Variants in NPM1 observed in about 807,000 individuals in gnomAD.
NPM1 encodes the protein nucleophosmin.
NPM1 carries 1 observed loss-of-function variant against 44.1 expected under a neutral mutation model. That is an observed-to-expected ratio of 0.02 (90% CI 0.01 to 0.11). The LOEUF is 0.11. Ranked by LOEUF, NPM1 falls within the 10% of genes least tolerant of loss-of-function variation. The pLI is 1.00. For missense variants in NPM1, 197 were observed against 347.8 expected (o/e 0.57, Z 3.45); for synonymous variants, 126 against 111.8 (o/e 1.13, Z -0.80).
chr5:171,392,857 TTTAG>T (rs1770653328), intron 5 of NPM1, 41 bp downstream of exon 5: 1 of 1,613,070 alleles, frequency 6.2e-7, no homozygotes, highest in Middle Eastern at 1.6e-4. Context: ...TATTATAGCT[TTTAG>T]TTTGGTGATA....
chr5:171,395,292 G>GT (rs761712296), intron 6 of NPM1, among the ~76,000 whole-genome samples: 33 of 144,190 alleles, frequency 2.3e-4, no homozygotes, highest in Non-Finnish European at 3.7e-4. Context: ...TCAGTACCTG[G>GT]TTTTTTTTGT....
chr5:171,401,029 A>C, intron 8 of NPM1, 104 bp downstream of exon 8: 1 of 777,948 alleles, frequency 1.3e-6, no homozygotes. Flanking sequence ...CCTTTATAGA[A>C]CCCCTGTAAT....
At chr5:171,407,653 T>C (rs1771642271) in intron 9 of NPM1, 47 bp from the exon 10 acceptor site, 1 of 1,037,098 alleles carries the variant, frequency 9.6e-7, no homozygotes, top group African/African-American at 1.6e-5. Flanking sequence ...GGTATCTCTC[T>C]CGGTGTATTT....
intron 2 of NPM1, 80 bp from the exon 3 acceptor site, chr5:171,391,225 G>T: frequency 6.7e-7 from 1 of 1,497,310 alleles, no homozygotes. Context: ...AGTGACGCAT[G>T]GCTGCATATA....
At chr5:171,407,439 T>G (rs1284686670) in intron 9 of NPM1, 6 of 454,540 alleles carry the variant, frequency 1.3e-5, no homozygotes, top group Non-Finnish European at 1.9e-5. Flanking sequence ...GAATCTCAAG[T>G]GTAGCTTATA....
In NPM1 at chr5:171,398,221, G is replaced by A. The variant is rs548537384; in HGVS notation, c.525-1932G>A. On this transcript the variant is annotated intron_variant, in intron 6 of 10. Coordinates refer to ENST00000296930, the MANE Select transcript of NPM1 (RefSeq NM_002520.7). ...TGAACAAGTTTTTAATTTTTATGAC[G>A]TCCGATTTCTTTTGTTGCTTGTGCC... Among the ~76,000 whole-genome samples the A allele has an allele frequency of 1.2e-4, 19 of 152,152 alleles. No homozygotes were observed. The South Asian group carries it at 2.9e-3, about 23-fold the overall frequency.
intron 8 of NPM1, among the ~76,000 whole-genome samples, chr5:171,403,399 T>A (rs1356929311): frequency 2.4e-4 from 26 of 107,948 alleles, no homozygotes; most frequent in Non-Finnish European, 4.8e-4. Context: ...GTCTCCCATG[T>A]CTACTTCTTT....
intron 6 of NPM1, among the ~76,000 whole-genome samples, chr5:171,393,875 G>C (rs1355825552): frequency 6.6e-6 from 1 of 152,100 alleles, no homozygotes; most frequent in African/African-American, 2.4e-5. Context: ...GTTCACACCC[G>C]TAATCCTAAC....
rs577627178 is a variant in NPM1 at position 171,388,085 on chromosome 5, G to A, written c.58+79G>A. 1.3e-5 allele frequency: 15 copies of A among 1,149,168 alleles called. No homozygotes were observed. In the African/African-American group the frequency reaches 1.8e-4, roughly 14 times the overall value. The allele number at this position is 1,149,168 out of a possible 1,614,324, so 71.2% of individuals were successfully genotyped here. ...GGTGGGGGTGAGGGGCGGGAATCCGGCTGCAACCGGGTCTGGTGGAGACCG... is the reference window on the plus strand; with the variant it reads ...GGTGGGGGTGAGGGGCGGGAATCCGACTGCAACCGGGTCTGGTGGAGACCG... On this transcript the variant is annotated intron_variant, in intron 1 of 10. Coordinates refer to ENST00000296930, the MANE Select transcript of NPM1 (RefSeq NM_002520.7).
Position 171,404,260 on chromosome 5 carries a change from G to T in NPM1, c.670-1042G>T, listed in dbSNP as rs1240990136. Among the ~76,000 whole-genome samples, 22 of 107,390 alleles carry T rather than the reference G, an allele frequency of 2.0e-4. 6 individuals are homozygous for T. Among genetic ancestry groups the T allele is most frequent in the Admixed American group, 6.3e-4 (7 of 11,040 alleles). The allele number at this position is 107,390 out of a possible 152,430, so 70.5% of individuals were successfully genotyped here. A position where few individuals can be genotyped will look rare whatever the true frequency, so the allele number is the denominator to read the frequency against. ...ACCCCCCCCCACCTCCCTCCCGGAC[G>T]GGGTGGCTGCTGGGCGGAGATGCTC... On this transcript the variant is annotated intron_variant, in intron 8 of 10. Coordinates refer to ENST00000296930, the MANE Select transcript of NPM1 (RefSeq NM_002520.7).
rs944575847 is a variant in NPM1, at chr5:171,407,735, C to G, written c.807C>G (p.Ile269Met). ...TTCCCAAAGTGGAAGCCAAATTCAT[C>G]AATTATGTGAAGAATTGCTTCCGGA... ...GSLPKVEAKFINYVKNCFRMT... is the reference protein window; with the variant it reads ...GSLPKVEAKFMNYVKNCFRMT... The change falls in exon 10 of 11, where the codon ATC becomes ATG. Residue 269 changes from isoleucine (I) to methionine (M), a missense_variant. Physicochemically the swap from Ile to Met is conservative, Grantham distance 10. Around this residue, in one of 5 missense-constraint regions of NPM1, gnomAD observed 47 missense variants for 106.5 expected, o/e 0.44. Transcript: ENST00000296930. The G allele has an allele frequency of 1.9e-6, 3 of 1,611,436 alleles. No individual in the cohort carries two copies. The highest frequency in any genetic ancestry group is 2.7e-5 in the African/African-American group (2 of 74,830).
chr5:171,400,223 A>G lies in NPM1; in HGVS notation c.582+13A>G. ...GCCAGTGAAGAAAGTGAGTAGATACAATGCTACAAGGTTGTTAAACTAACA... is the reference window on the plus strand; with the variant it reads ...GCCAGTGAAGAAAGTGAGTAGATACGATGCTACAAGGTTGTTAAACTAACA... On this transcript the variant is annotated intron_variant, in intron 7 of 10. Transcript: ENST00000296930. 1.2e-6 allele frequency: 2 copies of G among 1,613,722 alleles called. No homozygotes were observed. Among genetic ancestry groups the G allele is most frequent in the Non-Finnish European group, 8.5e-7 (1 of 1,179,934 alleles).
intron 9 of NPM1, chr5:171,407,444 C>T (rs991141963): frequency 4.3e-6 from 2 of 469,896 alleles, no homozygotes; most frequent in Non-Finnish European, 7.4e-6. Context: ...TCAAGTGTAG[C>T]TTATATTTTA....
intron 1 of NPM1, 85 bp downstream of exon 1, chr5:171,388,091 A>G (rs1770353310): frequency 8.8e-7 from 1 of 1,140,336 alleles, no homozygotes; most frequent in Non-Finnish European, 1.3e-6. Flanking sequence ...TCCGGCTGCA[A>G]CCGGGTCTGG....
chr5:171,400,152 GTGATGA>G lies in NPM1; in HGVS notation c.535_540del (p.Asp179_Asp180del). Reference sequence around the variant, plus strand: ...TTAATGTCTTGACATTTCATTTGTAGTGATGATGATGATGATTTTGATGATGAGGAA... The same window carrying G: ...TTAATGTCTTGACATTTCATTTGTAGTGATGATGATTTTGATGATGAGGAA... On this transcript the variant is annotated inframe_deletion and splice_region_variant, in exon 7 of 11. Coordinates refer to ENST00000296930, the MANE Select transcript of NPM1 (RefSeq NM_002520.7). 4 of 1,507,132 alleles carry G rather than the reference GTGATGA, an allele frequency of 2.7e-6. No individual in the cohort carries two copies. The highest frequency in any genetic ancestry group is 3.7e-6 in the Non-Finnish European group (4 of 1,085,454). 93.4% of individuals were successfully genotyped at this position (1,507,132 alleles called of 1,614,324 possible).
At position 171,400,835 on chromosome 5, in the gene NPM1, G is replaced by T. The variant is rs762235957; in HGVS notation, c.583-4G>T. 13 of 1,590,900 alleles carry T rather than the reference G, an allele frequency of 8.2e-6. No homozygotes were observed. Among genetic ancestry groups the T allele is most frequent in the Non-Finnish European group, 1.1e-5 (13 of 1,160,876 alleles). ...CAGTGATTAAGATAAATTTCTAATT[G>T]CAGTCTATACGAGATACTCCAGCCA... On this transcript the variant is annotated splice_region_variant and splice_polypyrimidine_tract_variant and intron_variant, in intron 7 of 10. Coordinates refer to ENST00000296930, the MANE Select transcript of NPM1 (RefSeq NM_002520.7).
rs370439209 is a variant in NPM1, at chr5:171,387,945, C to T, written c.-4C>T. On this transcript the variant is annotated 5_prime_UTR_variant, in exon 1 of 11. Transcript: ENST00000296930. ...TCTCCTACCTAAGTGCGTGCCGCCA[C>T]CCGATGGAAGATTCGATGGACATGG... 6.2e-7 allele frequency: 1 copy of T among 1,612,046 alleles called. No homozygotes were observed. Among genetic ancestry groups the T allele is most frequent in the Non-Finnish European group, 8.5e-7 (1 of 1,179,744 alleles).
chr5:171,399,488 C>T (rs951456465), intron 6 of NPM1, among the ~76,000 whole-genome samples: 15 of 152,180 alleles, frequency 9.9e-5, no homozygotes, highest in African/African-American at 3.1e-4. Context: ...CCTCCCACCT[C>T]AGCCTCCCAA....
intron 10 of NPM1, 86 bp downstream of exon 10, chr5:171,407,860 C>G: frequency 1.2e-6 from 1 of 803,568 alleles, no homozygotes; most frequent in Admixed American, 2.4e-5. Flanking sequence ...TAAGTGTTGG[C>G]TCTTTTTAAA....
Sources: allele counts gnomAD v4.1 joint callset (sites outside exome capture counted in the v4.1 genomes callset), GRCh38; gene constraint gnomAD v4.1.1; regional missense constraint gnomAD v4.1.1; transcripts MANE v1.5; gene names NCBI Gene and HGNC (gene_info 2026-07-23, HGNC 2026-07-21).